Variants in FBXW8 observed in about 807,000 individuals in gnomAD.
FBXW8 encodes F-box/WD repeat-containing protein 8.
Under a neutral mutation model 65.3 loss-of-function variants are expected in FBXW8, and 57 were observed. The ratio of observed to expected loss-of-function variants is 0.87; its 90% CI spans 0.71 to 1.09. The LOEUF is 1.09. Ranked by LOEUF, FBXW8 falls within the 50% of genes least tolerant of loss-of-function variation. The pLI is 0.00. For missense variants in FBXW8, 777 were observed against 814.8 expected (o/e 0.95, Z 0.57); for synonymous variants, 308 against 330.2 (o/e 0.93, Z 0.73).
chr12:116,927,602 T>C (rs913900014), intron 1 of FBXW8, among the ~76,000 whole-genome samples: 9 of 152,204 alleles, frequency 5.9e-5, no homozygotes, highest in African/African-American at 2.2e-4. Context: ...GTGGTTGTCC[T>C]GGGAAGAGGG....
At chr12:117,001,335 G>A (rs986037679) in intron 7 of FBXW8, among the ~76,000 whole-genome samples, 1 of 151,920 alleles carries the variant, frequency 6.6e-6, no homozygotes, top group Admixed American at 6.5e-5. Context: ...TCAGTGATCT[G>A]ATTTTAGCTG....
chr12:116,976,621 A>ATTTTTTT (rs58135251), intron 5 of FBXW8, among the ~76,000 whole-genome samples: 1 of 137,956 alleles, frequency 7.2e-6, no homozygotes, highest in Non-Finnish European at 1.6e-5. Context: ...ACACCGGCTA[A>ATTTTTTT]TTTTTTTTTT....
chr12:116,949,542 G>C lies in FBXW8; in HGVS notation c.589-76G>C, dbSNP rs961058355. The C allele has an allele frequency of 3.1e-6, 4 of 1,287,918 alleles. No homozygotes were observed. In the African/African-American group the frequency reaches 5.8e-5, roughly 19 times the overall value. 79.8% of individuals were successfully genotyped at this position (1,287,918 alleles called of 1,614,324 possible). A position where few individuals can be genotyped will look rare whatever the true frequency, so the allele number is the denominator to read the frequency against. On this transcript the variant is annotated intron_variant, in intron 3 of 10. Coordinates refer to ENST00000652555, the MANE Select transcript of FBXW8 (RefSeq NM_153348.3). ...CTGTAGAGAATTGCTGTGGAAAGTAGGTGAAAAAGCACGATGCTTGGCTTT... is the reference window on the plus strand; with the variant it reads ...CTGTAGAGAATTGCTGTGGAAAGTACGTGAAAAAGCACGATGCTTGGCTTT...
At chr12:117,001,852 G>T (rs1195413677) in intron 7 of FBXW8, among the ~76,000 whole-genome samples, 4 of 152,160 alleles carry the variant, frequency 2.6e-5, no homozygotes, top group African/African-American at 9.7e-5. Flanking sequence ...AGGTCTTCAT[G>T]ATCACATTTC....
At chr12:116,920,407 G>C (rs567756707) in intron 1 of FBXW8, among the ~76,000 whole-genome samples, 37 of 152,306 alleles carry the variant, frequency 2.4e-4, no homozygotes, top group South Asian at 2.1e-3. Flanking sequence ...ATATAGCATT[G>C]AACAAGGCAG....
At chr12:116,939,034 A>G (rs575643119) in intron 2 of FBXW8, among the ~76,000 whole-genome samples, 3 of 152,308 alleles carry the variant, frequency 2.0e-5, no homozygotes, top group South Asian at 2.1e-4. Flanking sequence ...TGCCCAAAAC[A>G]TATCTTAACT....
chr12:116,941,424 C>T (rs763945423), intron 2 of FBXW8, among the ~76,000 whole-genome samples: 4 of 152,176 alleles, frequency 2.6e-5, no homozygotes, highest in Admixed American at 2.0e-4. Context: ...GAATTCCATG[C>T]GAAGTGTCCA....
chr12:116,938,248 T>C (rs938757229), intron 2 of FBXW8, among the ~76,000 whole-genome samples: 1 of 152,218 alleles, frequency 6.6e-6, no homozygotes, highest in Admixed American at 6.5e-5. Flanking sequence ...GCTAAAGAAA[T>C]TGTTGACACA....
rs1884205051 is a variant in FBXW8 at position 116,964,717 on chromosome 12, G to C, written c.698G>C (p.Arg233Thr). 1.9e-6 allele frequency: 3 copies of C among 1,613,656 alleles called. No homozygotes were observed. The highest frequency in any genetic ancestry group is 2.5e-6 in the Non-Finnish European group (3 of 1,179,994). The change falls in exon 5 of 11, where the codon AGA becomes ACA. Residue 233 changes from arginine (R) to threonine (T), a missense_variant. Arg to Thr is a moderately conservative substitution (Grantham distance 71). Coordinates refer to ENST00000652555, the MANE Select transcript of FBXW8 (RefSeq NM_153348.3). ...VIAGYTSGDV[R>T]VWDTRTWDYV... Reference sequence around the variant, plus strand: ...TCCAGATATACATCAGGGGATGTGAGAGTGTGGGACACCCGCACCTGGGAC... The same window carrying C: ...TCCAGATATACATCAGGGGATGTGACAGTGTGGGACACCCGCACCTGGGAC...
intron 1 of FBXW8, among the ~76,000 whole-genome samples, chr12:116,914,549 G>A (rs980813837): frequency 1.4e-5 from 2 of 144,366 alleles, no homozygotes; most frequent in African/African-American, 5.2e-5. Context: ...CTCCGGCCTA[G>A]GTGACAGAGC....
chr12:116,958,563 CT>C (rs1408089962), intron 4 of FBXW8, among the ~76,000 whole-genome samples: 2 of 152,212 alleles, frequency 1.3e-5, no homozygotes, highest in Non-Finnish European at 2.9e-5. Flanking sequence ...CACAACCCCC[CT>C]GGTCATGGCG....
intron 2 of FBXW8, among the ~76,000 whole-genome samples, chr12:116,932,578 C>T (rs1483366264): frequency 1.3e-5 from 2 of 152,206 alleles, no homozygotes; most frequent in Non-Finnish European, 2.9e-5. Flanking sequence ...TCGCTGTCAC[C>T]AGGCTGGAGT....
At position 116,945,360 on chromosome 12, in the gene FBXW8, T is replaced by C. The variant is rs1488316719; in HGVS notation, c.424-4T>C. ...TGACATTTGTGTCACTTCTGCTGTT[T>C]TAGGTGAGCAAGACGTGGAAGGTGA... On this transcript the variant is annotated splice_polypyrimidine_tract_variant and splice_region_variant and intron_variant, in intron 2 of 10. Coordinates refer to ENST00000652555, the MANE Select transcript of FBXW8 (RefSeq NM_153348.3). 3 of 1,608,534 alleles carry C rather than the reference T, an allele frequency of 1.9e-6. No individual in the cohort carries two copies. Among genetic ancestry groups the C allele is most frequent in the Non-Finnish European group, 1.7e-6 (2 of 1,176,724 alleles).
At chr12:116,932,972 T>C (rs544651357) in intron 2 of FBXW8, among the ~76,000 whole-genome samples, 13 of 152,258 alleles carry the variant, frequency 8.5e-5, no homozygotes, top group African/African-American at 3.1e-4. Flanking sequence ...TGATGCGGAG[T>C]GTGTGTCTTT....
rs187414089 is a variant in FBXW8 at position 117,013,511 on chromosome 12, G to A, written c.1367+3061G>A. Among the ~76,000 whole-genome samples the A allele has an allele frequency of 6.7e-4, 102 of 152,078 alleles. 1 individual carries two copies. Among genetic ancestry groups the A allele is most frequent in the Non-Finnish European group, 1.1e-3 (77 of 67,990 alleles). ...AATGGTACGGGGAGTGATGCACGTCGGCATTAGGGCTGGCTGCTCATGTCC... is the reference window on the plus strand; with the variant it reads ...AATGGTACGGGGAGTGATGCACGTCAGCATTAGGGCTGGCTGCTCATGTCC... On this transcript the variant is annotated intron_variant, in intron 8 of 10. Coordinates refer to ENST00000652555, the MANE Select transcript of FBXW8 (RefSeq NM_153348.3).
At chr12:117,021,411 T>TTC (rs1486759579) in intron 8 of FBXW8, among the ~76,000 whole-genome samples, 4 of 152,196 alleles carry the variant, frequency 2.6e-5, no homozygotes, top group Admixed American at 6.5e-5. Context: ...TTTCTGATTG[T>TTC]TCCCCCCAAT....
chr12:116,942,074 T>C (rs1330872944), intron 2 of FBXW8, among the ~76,000 whole-genome samples: 1 of 152,134 alleles, frequency 6.6e-6, no homozygotes, highest in African/African-American at 2.4e-5. Flanking sequence ...TGTCACCTAG[T>C]CTGGAGTGCA....
At chr12:117,006,768 G>A (rs915349961) in intron 7 of FBXW8, among the ~76,000 whole-genome samples, 1 of 152,240 alleles carries the variant, frequency 6.6e-6, no homozygotes, top group Non-Finnish European at 1.5e-5. Context: ...CAGCGTCCCT[G>A]CACGTTCATT....
intron 7 of FBXW8, among the ~76,000 whole-genome samples, chr12:116,996,522 A>C (rs1024878356): frequency 6.6e-6 from 1 of 151,024 alleles, no homozygotes; most frequent in African/African-American, 2.4e-5. Flanking sequence ...CAAAAAAAAA[A>C]CTTGGTATTT....
Sources: allele counts gnomAD v4.1 joint callset (sites outside exome capture counted in the v4.1 genomes callset), GRCh38; gene constraint gnomAD v4.1.1; transcripts MANE v1.5; gene names NCBI Gene and HGNC (gene_info 2026-07-23, HGNC 2026-07-21).